Variants in COLEC12 observed in about 807,000 individuals in gnomAD.
COLEC12 encodes collectin subfamily member 12, also known as collectin-12.
Under a neutral mutation model 71.1 loss-of-function variants are expected in COLEC12, and 33 were observed. That is an observed-to-expected ratio of 0.46 (90% CI 0.35 to 0.62). COLEC12 has a LOEUF of 0.62. COLEC12 is among the 20% of genes least tolerant of loss of function. COLEC12 has a pLI of 0.00. For missense variants in COLEC12, 765 were observed against 916.1 expected, an observed-to-expected ratio of 0.84 and a Z score of 2.13; for synonymous variants, 350 against 353.0, an observed-to-expected ratio of 0.99 and a Z score of 0.10.
At chr18:432,425 C>T (rs138474920) in intron 2 of COLEC12, among the ~76,000 whole-genome samples, 1 of 152,138 alleles carries the variant, frequency 6.6e-6, no homozygotes, top group South Asian at 2.1e-4. Flanking sequence ...AACCTGGCTA[C>T]AAAACTTCAT....
intron 3 of COLEC12, among the ~76,000 whole-genome samples, chr18:355,686 T>C (rs543541150): frequency 3.3e-5 from 5 of 152,306 alleles, no homozygotes; most frequent in Admixed American, 6.5e-5. Context: ...AAAGTACTTA[T>C]TAAATGGCTG....
chr18:459,417 TG>T (rs1301888630), intron 2 of COLEC12, among the ~76,000 whole-genome samples: 6 of 152,222 alleles, frequency 3.9e-5, no homozygotes, highest in African/African-American at 1.4e-4. Flanking sequence ...AATGACCACT[TG>T]GAAGAGTTAG....
chr18:406,458 G>A (rs1273527286), intron 2 of COLEC12, among the ~76,000 whole-genome samples: 1 of 139,328 alleles, frequency 7.2e-6, no homozygotes, highest in Non-Finnish European at 1.5e-5. Flanking sequence ...GCAGTGAGCC[G>A]AGATTGCGCC....
At chr18:337,915 C>G (rs1222736695) in intron 5 of COLEC12, among the ~76,000 whole-genome samples, 1 of 152,184 alleles carries the variant, frequency 6.6e-6, no homozygotes, top group Non-Finnish European at 1.5e-5. Context: ...TCCCACCTCT[C>G]TCTGTCTTTT....
In COLEC12 at chr18:419,719, G is replaced by A. The variant is rs185247162; in HGVS notation, c.58+60988C>T. On this transcript the variant is annotated intron_variant, in intron 2 of 9. Transcript: ENST00000400256. ...GCTGAATGTCTGGGATTGTTGATAT[G>A]TCATCTGTGGTAGATAAACAATGAC... Among the ~76,000 whole-genome samples the A allele has an allele frequency of 5.9e-5, 9 of 152,304 alleles. No homozygotes were observed. In the East Asian group the frequency reaches 1.3e-3, roughly 23 times the overall value.
intron 2 of COLEC12, among the ~76,000 whole-genome samples, chr18:392,030 T>C (rs1915472430): frequency 6.6e-6 from 1 of 152,234 alleles, no homozygotes; most frequent in Non-Finnish European, 1.5e-5. Flanking sequence ...GAACAAATCT[T>C]TGGATTGTCT....
intron 2 of COLEC12, among the ~76,000 whole-genome samples, chr18:406,753 C>A (rs1284350747): frequency 6.6e-6 from 1 of 152,212 alleles, no homozygotes; most frequent in Non-Finnish European, 1.5e-5. Context: ...GTCCTCAGTG[C>A]TCTCCAGGAC....
chr18:412,315 T>G (rs1394128377), intron 2 of COLEC12, among the ~76,000 whole-genome samples: 7 of 151,968 alleles, frequency 4.6e-5, no homozygotes, highest in African/African-American at 1.7e-4. Flanking sequence ...GTGAGAGAGT[T>G]TTCAAGTGCT....
chr18:326,921 T>G (rs1235798102), intron 8 of COLEC12, among the ~76,000 whole-genome samples: 1 of 152,216 alleles, frequency 6.6e-6, no homozygotes, highest in African/African-American at 2.4e-5. Context: ...TATGTTCTAT[T>G]GACTGTGACA....
intron 2 of COLEC12, among the ~76,000 whole-genome samples, chr18:479,403 T>C (rs896447725): frequency 6.6e-6 from 1 of 152,172 alleles, no homozygotes; most frequent in Non-Finnish European, 1.5e-5. Context: ...TGCAGACGTG[T>C]GTGTCCAGAA....
intron 8 of COLEC12, among the ~76,000 whole-genome samples, chr18:326,336 T>C (rs1476625232): frequency 1.3e-5 from 2 of 152,100 alleles, no homozygotes; most frequent in Non-Finnish European, 2.9e-5. Context: ...CTCTATATAG[T>C]TCTAGTTCCT....
chr18:413,493 C>G (rs1435235312), intron 2 of COLEC12, among the ~76,000 whole-genome samples: 3 of 126,408 alleles, frequency 2.4e-5, no homozygotes, highest in East Asian at 4.9e-4. Context: ...AATTTCACTT[C>G]TAGGCACTTA....
chr18:481,749 T>TA (rs1917421901), intron 1 of COLEC12, among the ~76,000 whole-genome samples: 1 of 152,002 alleles, frequency 6.6e-6, no homozygotes, highest in South Asian at 2.1e-4. Flanking sequence ...CCAACCTTTC[T>TA]ACCAAAAGAC....
At chr18:343,668 C>A (rs1361793591) in intron 5 of COLEC12, among the ~76,000 whole-genome samples, 6 of 152,210 alleles carry the variant, frequency 3.9e-5, no homozygotes, top group Non-Finnish European at 8.8e-5. Flanking sequence ...GGGGCACACA[C>A]TTTCGGTGAC....
intron 1 of COLEC12, among the ~76,000 whole-genome samples, chr18:494,505 AG>A (rs1917674259): frequency 1.3e-5 from 2 of 152,170 alleles, no homozygotes; most frequent in Admixed American, 1.3e-4. Flanking sequence ...CTGGGGCCCC[AG>A]GGGGTTAAGT....
chr18:385,791 G>A (rs1190577711), intron 2 of COLEC12, among the ~76,000 whole-genome samples: 1 of 152,096 alleles, frequency 6.6e-6, no homozygotes, highest in African/African-American at 2.4e-5. Flanking sequence ...GAACAGCAAA[G>A]TACATACATG....
intron 2 of COLEC12, among the ~76,000 whole-genome samples, chr18:389,054 T>C (rs1915404401): frequency 6.6e-6 from 1 of 152,126 alleles, no homozygotes; most frequent in Non-Finnish European, 1.5e-5. Flanking sequence ...ATATTAACAA[T>C]GGAAAAGATG....
At chr18:368,431 G>A (rs1248635388) in intron 2 of COLEC12, among the ~76,000 whole-genome samples, 1 of 152,014 alleles carries the variant, frequency 6.6e-6, no homozygotes, top group Non-Finnish European at 1.5e-5. Flanking sequence ...AAAATTAGCT[G>A]AGCATAGTGG....
intron 2 of COLEC12, among the ~76,000 whole-genome samples, chr18:373,090 T>C (rs1422678823): frequency 6.6e-6 from 1 of 152,242 alleles, no homozygotes; most frequent in Non-Finnish European, 1.5e-5. Flanking sequence ...AGCTCATCTG[T>C]GATAAGAGCC....
Sources: allele counts gnomAD v4.1 joint callset (sites outside exome capture counted in the v4.1 genomes callset), GRCh38; gene constraint gnomAD v4.1.1; transcripts MANE v1.5; gene names NCBI Gene and HGNC (gene_info 2026-07-23, HGNC 2026-07-21).